The following DAB1 variants were observed in gnomAD, a reference collection of about 807,000 sequenced individuals.
DAB1 encodes DAB adaptor protein 1.
In DAB1, 15 loss-of-function variants were observed where a neutral mutation model predicts 64.6. The observed-to-expected ratio is 0.23, with a 90% CI of 0.16 to 0.36. The LOEUF (loss-of-function observed/expected upper bound fraction) is 0.36. Among genes scored for constraint, DAB1 ranks in the 10% least tolerant of loss-of-function variants. The pLI is 1.00. For missense variants in DAB1, 596 were observed against 706.7 expected (o/e 0.84, Z 1.78); for synonymous variants, 235 against 251.9 (o/e 0.93, Z 0.64).
At chr1:58,349,014 G>A (rs1157687825) in intron 3 of DAB1, among the ~76,000 whole-genome samples, 1 of 152,138 alleles carries the variant, frequency 6.6e-6, no homozygotes, top group African/African-American at 2.4e-5. Flanking sequence ...AAGAGTGTCT[G>A]GCTCCCTGCC....
intron 7 of DAB1, among the ~76,000 whole-genome samples, chr1:57,503,693 T>C (rs573470468): frequency 6.6e-6 from 1 of 152,380 alleles, no homozygotes; most frequent in Non-Finnish European, 1.5e-5. Flanking sequence ...TTCTACTTCT[T>C]GGTGTATTTA....
At chr1:58,185,814 T>C (rs1424108553) in intron 4 of DAB1, among the ~76,000 whole-genome samples, 1 of 152,176 alleles carries the variant, frequency 6.6e-6, no homozygotes, top group Non-Finnish European at 1.5e-5. Flanking sequence ...GTTCAGGTGG[T>C]ACTGCCCTCT....
At chr1:57,495,970 G>A (rs76437633) in intron 7 of DAB1, among the ~76,000 whole-genome samples, 8,543 of 152,156 alleles carry the variant, frequency 0.056, 823 homozygotes, top group African/African-American at 0.2. Context: ...TTACCAATTT[G>A]GGTAAGACCT....
intron 14 of DAB1, among the ~76,000 whole-genome samples, chr1:57,002,445 T>C (rs996474150): frequency 6.6e-6 from 1 of 152,224 alleles, no homozygotes; most frequent in Admixed American, 6.5e-5. Context: ...TTGGGGATGG[T>C]CAACAAAGTG....
chr1:57,803,439 A>G (rs1569733648), intron 6 of DAB1, among the ~76,000 whole-genome samples: 1 of 152,212 alleles, frequency 6.6e-6, no homozygotes, highest in African/African-American at 2.4e-5. Flanking sequence ...CCATTGGGGA[A>G]CCCATACAGA....
In DAB1 at chr1:57,378,392, G is replaced by C. The variant is rs144810517; in HGVS notation, c.-137+45538C>G. Among the ~76,000 whole-genome samples, 247 of 152,262 alleles carry C rather than the reference G, an allele frequency of 1.6e-3. 1 individual carries two copies. The highest frequency in any genetic ancestry group is 5.4e-3 in the African/African-American group (226 of 41,572). ...ATCAAATAAATAAAAGAGGTTTTAG[G>C]GTTGACGAGCTAGTTTTAAATCCTG... On this transcript the variant is annotated intron_variant, in intron 1 of 14. Transcript: ENST00000371236.
intron 1 of DAB1, among the ~76,000 whole-genome samples, chr1:57,412,856 T>G (rs1216299142): frequency 1.3e-5 from 2 of 152,236 alleles, no homozygotes; most frequent in Admixed American, 6.5e-5. Flanking sequence ...ACTATGATCA[T>G]TGATGAAGTT....
intron 4 of DAB1, among the ~76,000 whole-genome samples, chr1:57,087,624 G>A (rs1570667283): frequency 6.6e-6 from 1 of 152,168 alleles, no homozygotes; most frequent in East Asian, 1.9e-4. Context: ...GAGCCCAAAT[G>A]TGGAAGCCTG....
intron 5 of DAB1, among the ~76,000 whole-genome samples, chr1:58,146,310 A>G (rs1192485076): frequency 6.6e-6 from 1 of 152,148 alleles, no homozygotes; most frequent in Non-Finnish European, 1.5e-5. Flanking sequence ...TAACATATCC[A>G]TATGTTCATC....
At chr1:58,003,045 A>G (rs1193261587) in intron 5 of DAB1, among the ~76,000 whole-genome samples, 6 of 152,182 alleles carry the variant, frequency 3.9e-5, no homozygotes, top group African/African-American at 1.4e-4. Flanking sequence ...AAAGACTATC[A>G]TATTAATGTT....
intron 1 of DAB1, among the ~76,000 whole-genome samples, chr1:57,841,024 G>A (rs1007167302): frequency 6.6e-6 from 1 of 152,210 alleles, no homozygotes; most frequent in Non-Finnish European, 1.5e-5. Context: ...CTATGAGCCT[G>A]TAAAATCAAA....
intron 1 of DAB1, among the ~76,000 whole-genome samples, chr1:57,309,005 C>A (rs998923637): frequency 1.3e-5 from 2 of 152,146 alleles, no homozygotes; most frequent in Admixed American, 6.6e-5. Flanking sequence ...GCTTTGAATG[C>A]GGCCCAACAC....
intron 5 of DAB1, chr1:58,074,541 T>C (rs1388108658): frequency 3.1e-5 from 3 of 97,520 alleles, no homozygotes; most frequent in East Asian, 2.8e-4. Context: ...TATATATATA[T>C]ATACACACAT....
rs180717470 is a variant in DAB1 at position 57,118,525 on chromosome 1, A to G, written c.306+18018T>C. ...CGTAGCTCCTGCCTTCTATGCTAAA[A>G]AAGTCAGAATAAGGACCAATGTATG... On this transcript the variant is annotated intron_variant, in intron 4 of 14. Transcript: ENST00000371236. 2.0e-4 allele frequency among the ~76,000 whole-genome samples: 31 copies of G among 152,340 alleles called. 1 individual carries two copies. The highest frequency in any genetic ancestry group is 1.8e-3 in the Admixed American group (27 of 15,296).
At chr1:57,907,567 C>T (rs1857376) in intron 5 of DAB1, among the ~76,000 whole-genome samples, 3,460 of 152,172 alleles carry the variant, frequency 0.023, 110 homozygotes, top group African/African-American at 0.073. Flanking sequence ...TAGCTGTCAA[C>T]GACCCTATGA....
At chr1:57,130,278 A>G (rs2100778789) in intron 4 of DAB1, among the ~76,000 whole-genome samples, 1 of 152,244 alleles carries the variant, frequency 6.6e-6, no homozygotes, top group Admixed American at 6.5e-5. Flanking sequence ...AGAGGATTAA[A>G]TTAATCTTTC....
intron 10 of DAB1, among the ~76,000 whole-genome samples, chr1:57,025,304 T>A (rs3754266): frequency 6.6e-6 from 1 of 152,316 alleles, no homozygotes; most frequent in South Asian, 2.1e-4. Context: ...CGTTTTCAAA[T>A]TAGGTTCTCC....
In DAB1 at chr1:57,613,420, T is replaced by G. The variant is rs192067623; in HGVS notation, n.625+36172A>C. 4.0e-3 allele frequency among the ~76,000 whole-genome samples: 610 copies of G among 152,260 alleles called. 2 individuals are homozygous for G. The highest frequency in any genetic ancestry group is 5.1e-3 in the Non-Finnish European group (345 of 68,028). The stretch of plus-strand genomic sequence containing the variant: ...CACTCAGCAGCTGCTCCAAGAACCC[T>G]AGGCTCTGTCAGATATGTGCACCCC... On this transcript the variant is annotated intron_variant and non_coding_transcript_variant, in intron 7 of 20. Coordinates refer to the DAB1 transcript ENST00000485760.
chr1:57,473,636 T>C (rs1643895131), intron 7 of DAB1, among the ~76,000 whole-genome samples: 1 of 152,204 alleles, frequency 6.6e-6, no homozygotes, highest in African/African-American at 2.4e-5. Flanking sequence ...TGGTAGCTAT[T>C]ATCATATTAC....
Sources: gnomAD v4.1 joint callset for allele counts (sites outside exome capture counted in the v4.1 genomes callset) on GRCh38, gnomAD v4.1.1 for gene constraint, MANE v1.5 for transcripts, NCBI Gene and HGNC (gene_info 2026-07-23, HGNC 2026-07-21) for gene names.